The following DECR1 variants were observed in gnomAD, a reference collection of about 807,000 sequenced individuals.
DECR1 encodes 2,4-dienoyl-CoA reductase 1, also known as 2,4-dienoyl-CoA reductase [(3E)-enoyl-CoA-producing], mitochondrial.
DECR1 carries 44 observed loss-of-function variants against 38.8 expected under a neutral mutation model. The observed-to-expected ratio is 1.13, with a 90% CI of 0.89 to 1.46. DECR1 has a LOEUF of 1.46. DECR1 is among the 40% of genes most tolerant of loss of function. The probability of loss-of-function intolerance (pLI) is 0.00; values close to 1 mark genes in which losing one functional copy is unlikely to be tolerated. For missense variants in DECR1, 428 were observed against 405.5 expected (o/e 1.06, Z -0.48); for synonymous variants, 148 against 135.2 (o/e 1.09, Z -0.66).
At position 90,015,635 on chromosome 8, in the gene DECR1, A is replaced by G. The variant is rs552544992; in HGVS notation, c.70-1489A>G. The stretch of plus-strand genomic sequence containing the variant: ...ATCCTGAACCAACTGATGACAGCCT[A>G]TTTAGCTACAGGAATACTCTGGAAG... On this transcript the variant is annotated intron_variant, in intron 1 of 9. Coordinates refer to ENST00000220764, the MANE Select transcript of DECR1 (RefSeq NM_001359.2). The G allele has an allele frequency of 1.6e-4, 72 of 456,716 alleles. 2 individuals are homozygous for G. The highest frequency in any genetic ancestry group is 1.0e-3 in the South Asian group (67 of 64,558). The allele number at this position is 456,716 out of a possible 1,614,324, so 28.3% of individuals were successfully genotyped here.
intron 7 of DECR1, 54 bp from the exon 8 acceptor site, chr8:90,044,791 TAGGA>T (rs1813843776): frequency 6.5e-7 from 1 of 1,543,802 alleles, no homozygotes; most frequent in Non-Finnish European, 8.8e-7. Flanking sequence ...TTTTCTTGAG[TAGGA>T]AAGGAATTGA....
intron 1 of DECR1, among the ~76,000 whole-genome samples, 153 bp downstream of exon 1, chr8:90,001,714 A>G (rs535744741): frequency 2.8e-5 from 4 of 145,078 alleles, no homozygotes; most frequent in Admixed American, 6.8e-5. Context: ...GGGAGCGAGG[A>G]CAGGGCATCC....
intron 5 of DECR1, among the ~76,000 whole-genome samples, chr8:90,029,669 C>A (rs967112412): frequency 3.3e-5 from 5 of 152,162 alleles, no homozygotes; most frequent in Admixed American, 2.6e-4. Flanking sequence ...GATTTTTTAA[C>A]CATCTTGCTG....
intron 1 of DECR1, among the ~76,000 whole-genome samples, chr8:90,002,175 G>C (rs1217406622): frequency 6.6e-6 from 1 of 152,194 alleles, no homozygotes; most frequent in Non-Finnish European, 1.5e-5. Flanking sequence ...TACGGCGCCC[G>C]TCCACCCCTT....
intron 8 of DECR1, among the ~76,000 whole-genome samples, chr8:90,045,795 C>G (rs1012737545): frequency 2.6e-5 from 4 of 152,202 alleles, no homozygotes; most frequent in African/African-American, 9.6e-5. Context: ...TAGGGGCCAA[C>G]TGACACCTCA....
At chr8:90,012,215 C>T (rs1412823778) in intron 1 of DECR1, among the ~76,000 whole-genome samples, 2 of 150,480 alleles carry the variant, frequency 1.3e-5, no homozygotes, top group African/African-American at 2.5e-5. Flanking sequence ...TGTGGTGGCA[C>T]GATCTTGGCT....
At chr8:90,030,650 G>T (rs1813473079) in intron 5 of DECR1, 1 of 152,212 alleles carries the variant, frequency 6.6e-6, no homozygotes, top group African/African-American at 2.4e-5. Context: ...TGTTTCAGAA[G>T]TGGGAAGAGT....
At chr8:90,040,220 T>C (rs1016188641) in intron 6 of DECR1, among the ~76,000 whole-genome samples, 10 of 152,154 alleles carry the variant, frequency 6.6e-5, no homozygotes, top group Admixed American at 3.9e-4. Context: ...AGATACACTA[T>C]AAATAAATGC....
intron 8 of DECR1, 50 bp downstream of exon 8, chr8:90,045,045 G>A (rs756813637): frequency 3.7e-6 from 6 of 1,604,086 alleles, no homozygotes; most frequent in Non-Finnish European, 5.1e-6. Context: ...TGTGTTTGGG[G>A]CAGGGAGGTC....
chr8:90,049,721 A>G (rs1370940669), intron 8 of DECR1, among the ~76,000 whole-genome samples: 1 of 152,198 alleles, frequency 6.6e-6, no homozygotes, highest in Non-Finnish European at 1.5e-5. Context: ...CATTGCCAAG[A>G]CAATCCTAAG....
chr8:90,047,600 C>G (rs1813945039), intron 8 of DECR1, among the ~76,000 whole-genome samples: 1 of 152,122 alleles, frequency 6.6e-6, no homozygotes, highest in Non-Finnish European at 1.5e-5. Flanking sequence ...CTTTAACGCC[C>G]CACTGTCAAT....
At chr8:90,033,039 G>A (rs946158272) in intron 5 of DECR1, among the ~76,000 whole-genome samples, 1 of 152,082 alleles carries the variant, frequency 6.6e-6, no homozygotes, top group African/African-American at 2.4e-5. Context: ...GCAGGGATGC[G>A]ACTTCCCCAG....
In DECR1 at chr8:90,018,971, A is replaced by G; in HGVS notation, c.330+5A>G. The stretch of plus-strand genomic sequence containing the variant: ...TCTTCTCAAACTGGAAATAAGGTAC[A>G]TTAAAAATCAGTTATTTAATTTAGA... On this transcript the variant is annotated splice_donor_5th_base_variant and intron_variant, in intron 3 of 9. Transcript: ENST00000220764. 1 of 1,591,900 alleles carries G rather than the reference A, an allele frequency of 6.3e-7. No individual in the cohort carries two copies.
At chr8:90,005,384 A>G in intron 1 of DECR1, 1 of 456,266 alleles carries the variant, frequency 2.2e-6, no homozygotes, top group Non-Finnish European at 4.4e-6. Flanking sequence ...GATGTGCCGC[A>G]TGTTAGGTTG....
Position 90,036,922 on chromosome 8 carries a change from G to A in DECR1, c.647G>A (p.Gly216Asp). 3 of 1,612,978 alleles carry A rather than the reference G, an allele frequency of 1.9e-6. No individual in the cohort carries two copies. Among genetic ancestry groups the A allele is most frequent in the Non-Finnish European group, 2.5e-6 (3 of 1,179,368 alleles). Residue 216 changes from glycine (G) to aspartate (D), a missense_variant, in exon 6 of 10, where the codon GGT (glycine) becomes GAT (aspartate). Physicochemically the swap from Gly to Asp is moderately conservative, Grantham distance 94. Transcript: ENST00000220764. ...GTACCAAGTGCTTCTGCCAAAGCAG[G>A]TGTGGAAGCCATGAGCAAGTAAGTA... ...FVVPSASAKAGVEAMSKSLAA... is the reference protein window; with the variant it reads ...FVVPSASAKADVEAMSKSLAA...
chr8:90,045,409 G>GC (rs1423043875), intron 8 of DECR1, among the ~76,000 whole-genome samples: 1 of 152,126 alleles, frequency 6.6e-6, no homozygotes, highest in Non-Finnish European at 1.5e-5. Flanking sequence ...AGGGTCCCAT[G>GC]CCCACAGAGC....
At chr8:90,051,011 TG>T (rs1814070586) in intron 8 of DECR1, among the ~76,000 whole-genome samples, 1 of 151,584 alleles carries the variant, frequency 6.6e-6, no homozygotes, top group South Asian at 2.1e-4. Context: ...ACATCACACA[TG>T]GGGGCCCGTC....
At chr8:90,047,362 A>C (rs1378095551) in intron 8 of DECR1, among the ~76,000 whole-genome samples, 1 of 152,198 alleles carries the variant, frequency 6.6e-6, no homozygotes, top group Non-Finnish European at 1.5e-5. Context: ...TGGAAAACAA[A>C]AAAAAAGCAG....
At chr8:90,046,255 G>A (rs553576645) in intron 8 of DECR1, among the ~76,000 whole-genome samples, 27 of 152,318 alleles carry the variant, frequency 1.8e-4, no homozygotes, top group African/African-American at 6.3e-4. Context: ...GCTAAAGGAA[G>A]GTGTTGGAAC....
Sources: gnomAD v4.1 joint callset for allele counts (sites outside exome capture counted in the v4.1 genomes callset) on GRCh38, gnomAD v4.1.1 for gene constraint, MANE v1.5 for transcripts, NCBI Gene and HGNC (gene_info 2026-07-23, HGNC 2026-07-21) for gene names.